Variants in RBM26 observed in about 807,000 individuals in gnomAD.
RBM26 encodes RNA-binding protein 26.
Under a neutral mutation model 123.6 loss-of-function variants are expected in RBM26, and 30 were observed. The observed-to-expected ratio is 0.24, with a 90% CI of 0.18 to 0.33. The LOEUF (loss-of-function observed/expected upper bound fraction) is 0.33, where lower values mean the gene tolerates loss of function less well. RBM26 is among the 10% of genes least tolerant of loss of function. The probability of loss-of-function intolerance (pLI) is 1.00; values close to 1 mark genes in which losing one functional copy is unlikely to be tolerated. For missense variants in RBM26, 947 were observed against 1,203.6 expected (o/e 0.79, Z 3.15); for synonymous variants, 400 against 404.4 (o/e 0.99, Z 0.13).
downstream of RBM26, among the ~76,000 whole-genome samples, chr13:79,315,650 C>T (rs911590222): frequency 2.3e-4 from 35 of 151,418 alleles, no homozygotes; most frequent in African/African-American, 6.8e-4. Flanking sequence ...AAAGTGGATA[C>T]GAAAAAAGTA....
chr13:79,347,096 T>C (rs1038841733), intron 14 of RBM26, among the ~76,000 whole-genome samples: 23 of 152,232 alleles, frequency 1.5e-4, no homozygotes, highest in Admixed American at 2.6e-4. Flanking sequence ...TTTTGACATG[T>C]AGTATCAGAC....
chr13:79,393,417 TA>T (rs1728244737), intron 1 of RBM26, among the ~76,000 whole-genome samples: 1 of 152,222 alleles, frequency 6.6e-6, no homozygotes, highest in Non-Finnish European at 1.5e-5. Flanking sequence ...ACTCCTGCGC[TA>T]AAACTTGCCT....
chr13:79,401,731 T>C (rs115149329), intron 1 of RBM26, among the ~76,000 whole-genome samples: 4,331 of 152,232 alleles, frequency 0.028, 172 homozygotes, highest in African/African-American at 0.085. Flanking sequence ...CTTTCAACTA[T>C]AGATGGAAAT....
chr13:79,348,870 C>A (rs1158051958), intron 14 of RBM26, among the ~76,000 whole-genome samples: 1 of 152,140 alleles, frequency 6.6e-6, no homozygotes, highest in Non-Finnish European at 1.5e-5. Flanking sequence ...ATTTCAAGAA[C>A]ACAAAGTATG....
chr13:79,319,840 T>C lies in RBM26; in HGVS notation c.*781A>G. ...ATAAGTTAGTGATTATAGCTCCTTT[T>C]GTGATAATTGGGGGGAAGGGTAGAT... On this transcript the variant is annotated 3_prime_UTR_variant, in exon 22 of 22. Coordinates refer to ENST00000438737, the MANE Select transcript of RBM26 (RefSeq NM_001366735.2). 2 of 981,346 alleles carry C rather than the reference T, an allele frequency of 2.0e-6. No homozygotes were observed. Among genetic ancestry groups the C allele is most frequent in the Non-Finnish European group, 2.4e-6 (2 of 826,658 alleles). 60.8% of individuals were successfully genotyped at this position (981,346 alleles called of 1,614,324 possible).
chr13:79,343,705 T>C (rs2071814237), intron 16 of RBM26, among the ~76,000 whole-genome samples: 1 of 151,936 alleles, frequency 6.6e-6, no homozygotes, highest in African/African-American at 2.4e-5. Context: ...ATTAATTTAA[T>C]AAAATATTTT....
At position 79,353,209 on chromosome 13, in the gene RBM26, A is replaced by T. The variant is rs751376840; in HGVS notation, c.2002T>A (p.Ser668Thr). The T allele has an allele frequency of 6.3e-7, 1 of 1,580,718 alleles. No homozygotes were observed. Among genetic ancestry groups the T allele is most frequent in the Non-Finnish European group, 8.6e-7 (1 of 1,160,672 alleles). Residue 668 changes from serine (S) to threonine (T), a missense_variant, in exon 14 of 22, where the codon TCT (serine) becomes ACT (threonine). By Grantham distance (58) the Ser-to-Thr change is moderately conservative (BLOSUM62 1). This residue lies in a region of RBM26 where 493 missense variants were observed against 563.1 expected (regional missense o/e 0.88). Coordinates refer to ENST00000438737, the MANE Select transcript of RBM26 (RefSeq NM_001366735.2). ...SDLPQNVTKL[S>T]VKDRLGFVSK... The stretch of plus-strand genomic sequence containing the variant: ...ACAAAACCCAACCTGTCCTTCACAG[A>T]TAACTTAGTTACATTCTAAAAAAAT...
chr13:79,364,128 T>C (rs7332004), intron 9 of RBM26, among the ~76,000 whole-genome samples: 73,199 of 112,666 alleles, frequency 0.65, 18,170 homozygotes, highest in East Asian at 0.79. Context: ...TTAAAAAAAA[T>C]CTTTTTTCTA....
downstream of RBM26, among the ~76,000 whole-genome samples, chr13:79,316,087 A>G (rs1477323110): frequency 6.6e-6 from 1 of 151,752 alleles, no homozygotes; most frequent in Non-Finnish European, 1.5e-5. Flanking sequence ...ATTTTATAAG[A>G]ACAAGAAAAG....
In RBM26 at chr13:79,367,133, G is replaced by A. The variant is rs185536347; in HGVS notation, c.896-261C>T. On this transcript the variant is annotated intron_variant, in intron 6 of 21. Transcript: ENST00000438737. ...TTGAAATGTGACAATCTGGCTGGAC[G>A]TGGTGGCTCAGGCCTGTAATCCCAG... 3.9e-3 allele frequency among the ~76,000 whole-genome samples: 596 copies of A among 152,088 alleles called. 7 individuals are homozygous for A. Among genetic ancestry groups the A allele is most frequent in the African/African-American group, 0.014 (575 of 41,526 alleles).
chr13:79,405,868 C>CGTGGG lies in RBM26; in HGVS notation c.-95_-94insCCCAC. On this transcript the variant is annotated 5_prime_UTR_variant, in exon 1 of 22. Transcript: ENST00000438737. Reference sequence around the variant, plus strand: ...CCCCCGCCCCCTCCTCCGCGCGCCGCCCGCGTGGGCCGCGGTGGGAGGCGC... The same window carrying CGTGGG: ...CCCCCGCCCCCTCCTCCGCGCGCCGCGTGGGCCGCGTGGGCCGCGGTGGGAGGCGC... The CGTGGG allele has an allele frequency of 1.5e-6, 1 of 686,052 alleles. No homozygotes were observed. The highest frequency in any genetic ancestry group is 2.1e-6 in the Non-Finnish European group (1 of 485,796). 42.5% of individuals were successfully genotyped at this position (686,052 alleles called of 1,614,324 possible). A position where few individuals can be genotyped will look rare whatever the true frequency, so the allele number is the denominator to read the frequency against.
chr13:79,331,531 G>C (rs2069382686), intron 20 of RBM26, among the ~76,000 whole-genome samples: 1 of 151,616 alleles, frequency 6.6e-6, no homozygotes, highest in African/African-American at 2.4e-5. Flanking sequence ...CTACTCGGGA[G>C]GCTGAGGCAG....
chr13:79,343,378 C>T (rs1465438991), intron 16 of RBM26, among the ~76,000 whole-genome samples: 1 of 151,760 alleles, frequency 6.6e-6, no homozygotes, highest in Non-Finnish European at 1.5e-5. Context: ...TAAAAGAAGC[C>T]ACATGATTTA....
At chr13:79,329,823 T>C (rs1240201349) in intron 20 of RBM26, among the ~76,000 whole-genome samples, 1 of 152,200 alleles carries the variant, frequency 6.6e-6, no homozygotes, top group Non-Finnish European at 1.5e-5. Context: ...TTTAGGAATA[T>C]AATTTTTAGG....
In RBM26 at chr13:79,319,949, CTTTT is replaced by C. The variant is rs56071300; in HGVS notation, c.*668_*671del. On this transcript the variant is annotated 3_prime_UTR_variant, in exon 22 of 22. Transcript: ENST00000438737. ...TTTAAATCAAGGAACATTGTCTTGG[CTTTT>C]TTTTTTTTTTTTTTTTTGTCATTGC... 0.029 allele frequency: 3,379 copies of C among 115,544 alleles called. 5 individuals are homozygous for C. Among genetic ancestry groups the C allele is most frequent in the Non-Finnish European group, 0.031 (3,206 of 104,020 alleles). The allele number at this position is 115,544 out of a possible 1,614,324, so 7.2% of individuals were successfully genotyped here.
At chr13:79,343,193 C>T (rs2071720792) in intron 16 of RBM26, among the ~76,000 whole-genome samples, 1 of 151,798 alleles carries the variant, frequency 6.6e-6, no homozygotes, top group African/African-American at 2.4e-5. Flanking sequence ...TGTTACGCCT[C>T]TAAGTATTCC....
chr13:79,344,160 A>T, intron 16 of RBM26, 88 bp downstream of exon 16: 1 of 851,738 alleles, frequency 1.2e-6, no homozygotes, highest in Non-Finnish European at 2.0e-6. Flanking sequence ...AATTATAGTA[A>T]ATCTTTTTAT....
chr13:79,395,586 T>A (rs1426422594), intron 1 of RBM26, among the ~76,000 whole-genome samples: 2 of 151,534 alleles, frequency 1.3e-5, no homozygotes, highest in African/African-American at 2.4e-5. Context: ...CAAAAAAAAA[T>A]AAAAATTAAA....
intron 10 of RBM26, 52 bp from the exon 11 acceptor site, chr13:79,358,485 C>CAAAT: frequency 7.4e-7 from 1 of 1,359,408 alleles, no homozygotes; most frequent in Non-Finnish European, 1.0e-6. Context: ...TGACCCTAAC[C>CAAAT]AAATACAAGG....
Sources: gnomAD v4.1 joint callset for allele counts (sites outside exome capture counted in the v4.1 genomes callset) on GRCh38, gnomAD v4.1.1 for gene constraint, gnomAD v4.1.1 regional missense constraint, MANE v1.5 for transcripts, NCBI Gene and HGNC (gene_info 2026-07-23, HGNC 2026-07-21) for gene names.